Variants in MYH7 observed in about 807,000 individuals in gnomAD.
MYH7 encodes myosin-7.
MYH7 carries 129 observed loss-of-function variants against 225.4 expected under a neutral mutation model. That is an observed-to-expected ratio of 0.57 (90% CI 0.50 to 0.66). The LOEUF (loss-of-function observed/expected upper bound fraction) is 0.66, where lower values mean the gene tolerates loss of function less well. Among genes scored for constraint, MYH7 ranks in the 30% least tolerant of loss-of-function variants. The probability of loss-of-function intolerance (pLI) is 0.00; values close to 1 mark genes in which losing one functional copy is unlikely to be tolerated. For synonymous variants in MYH7, 971 were observed against 1,007.6 expected, an observed-to-expected ratio of 0.96 and a Z score of 0.69; for missense variants, 1,649 against 2,517.0, an observed-to-expected ratio of 0.66 and a Z score of 7.38.
At chr14:23,427,920 TG>T (rs772166061) in intron 15 of MYH7, 26 bp from the exon 16 acceptor site, 1 of 1,613,074 alleles carries the variant, frequency 6.2e-7, no homozygotes, top group South Asian at 1.1e-5. Context: ...AGAGCATCAC[TG>T]AGTGTCCTTC....
In MYH7 at chr14:23,416,327, G is replaced by A. The variant is rs756657320; in HGVS notation, c.4645-15C>T. 3.7e-6 allele frequency: 6 copies of A among 1,611,090 alleles called. No homozygotes were observed. In the Admixed American group the frequency reaches 6.7e-5, roughly 18 times the overall value. On this transcript the variant is annotated splice_polypyrimidine_tract_variant and intron_variant, in intron 33 of 39. Coordinates refer to ENST00000355349, the MANE Select transcript of MYH7 (RefSeq NM_000257.4). Reference sequence around the variant, plus strand: ...TCCAGGGAGGCCTGGGAAGGGGTTGGGGGAGGGGATGCAGGCAGACAGTCA... The same window carrying A: ...TCCAGGGAGGCCTGGGAAGGGGTTGAGGGAGGGGATGCAGGCAGACAGTCA...
Position 23,429,285 on chromosome 14 carries a change from G to A in MYH7, c.1201C>T (p.His401Tyr). 6.2e-7 allele frequency: 1 copy of A among 1,614,206 alleles called. No individual in the cohort carries two copies. The highest frequency in any genetic ancestry group is 8.5e-7 in the Non-Finnish European group (1 of 1,180,044). ...TCATTGCCCACTTTCACCCGAGGGT[G>A]GCACAGCCCCTTGAGCAGGTCGGCT... ...NSADLLKGLC[H>Y]PRVKVGNEYV... The change falls in exon 13 of 40, where the codon CAC (histidine) becomes TAC (tyrosine). Residue 401 changes from histidine (H) to tyrosine (Y), a missense_variant. His to Tyr is a moderately conservative substitution (Grantham distance 83). Coordinates refer to ENST00000355349, the MANE Select transcript of MYH7 (RefSeq NM_000257.4).
rs735712 is a variant in MYH7, at chr14:23,429,851, G to A, written c.1062C>T (p.Gly354=). ...EEKNSMYKLT[G]AIMHFGNMKF... is the part of the protein sequence containing the mutation. ...TCATGTTTCCAAAGTGCATGATGGCGCCTGTCAGCTTATACATGGAGTTTT... is the reference window on the plus strand; with the variant it reads ...TCATGTTTCCAAAGTGCATGATGGCACCTGTCAGCTTATACATGGAGTTTT... Residue 354 remains glycine (G), a synonymous_variant, in exon 12 of 40, where the codon GGC becomes GGT. Transcript: ENST00000355349. The A allele has an allele frequency of 0.073, 118,013 of 1,613,886 alleles. 4,547 individuals carry two copies. Among genetic ancestry groups the A allele is most frequent in the South Asian group, 0.099 (8,976 of 91,068 alleles).
In MYH7 at chr14:23,424,820, C is replaced by A. The variant is rs749627954; in HGVS notation, c.2628G>T (p.Lys876Asn). Residue 876 changes from lysine (K) to asparagine (N), a missense_variant, in exon 22 of 40, where the codon AAG (lysine) becomes AAT (asparagine). By Grantham distance (94) the Lys-to-Asn change is moderately conservative. This residue lies in a region of MYH7 where 282 missense variants were observed against 315.3 expected (regional missense o/e 0.89). Coordinates refer to ENST00000355349, the MANE Select transcript of MYH7 (RefSeq NM_000257.4). ...SEARRKELEE[K>N]MVSLLQEKND... is the part of the protein sequence containing the mutation. The stretch of plus-strand genomic sequence containing the variant: ...TCTTCTCCTGCAGCAGGGACACCAT[C>A]TTCTCCTCCAGCTCCTTGCGGCGAG... 6.2e-7 allele frequency: 1 copy of A among 1,614,236 alleles called. No homozygotes were observed. The highest frequency in any genetic ancestry group is 8.5e-7 in the Non-Finnish European group (1 of 1,180,046).
chr14:23,428,445 T>C (rs1181254836), intron 15 of MYH7, 55 bp downstream of exon 15: 2 of 1,611,814 alleles, frequency 1.2e-6, no homozygotes, highest in African/African-American at 2.7e-5. Flanking sequence ...ATTTTGTCTA[T>C]GGTGTTCTTG....
intron 37 of MYH7, 49 bp downstream of exon 37, chr14:23,414,946 A>G (rs1334655390): frequency 5.0e-6 from 8 of 1,601,394 alleles, no homozygotes; most frequent in African/African-American, 1.3e-5. Context: ...GCTGGTTGTC[A>G]CTGTGGCTAT....
intron 13 of MYH7, 40 bp downstream of exon 13, chr14:23,429,189 C>T (rs1892820307): frequency 1.2e-6 from 2 of 1,613,676 alleles, no homozygotes; most frequent in Non-Finnish European, 1.7e-6. Context: ...TGCCAGTCTC[C>T]CTACCCTGCC....
In MYH7 at chr14:23,425,207, C is replaced by CT; in HGVS notation, c.2423+74dup. ...TCTCTGTGTTTGAAGATCTGCTGAGCTTTTTTTCCTGACACTGCCCCTGAA... is the reference window on the plus strand; with the variant it reads ...TCTCTGTGTTTGAAGATCTGCTGAGCTTTTTTTTCCTGACACTGCCCCTGAA... On this transcript the variant is annotated intron_variant, in intron 21 of 39. Coordinates refer to ENST00000355349, the MANE Select transcript of MYH7 (RefSeq NM_000257.4). This position sits in a 1 kb window ranked among gnomAD's most constrained non-coding sequence, Gnocchi z 4.6. 6.2e-7 allele frequency: 1 copy of CT among 1,612,648 alleles called. No homozygotes were observed. Among genetic ancestry groups the CT allele is most frequent in the Non-Finnish European group, 8.5e-7 (1 of 1,179,096 alleles).
rs1410564846 is a variant in MYH7 at position 23,433,689 on chromosome 14, T to C, written c.44A>G (p.Tyr15Cys). 3 of 1,614,096 alleles carry C rather than the reference T, an allele frequency of 1.9e-6. No homozygotes were observed. The highest frequency in any genetic ancestry group is 2.5e-6 in the Non-Finnish European group (3 of 1,180,036). Residue 15 changes from tyrosine to cysteine, a missense_variant, in exon 3 of 40, where the codon TAC becomes TGC. Physicochemically the swap from Tyr to Cys is radical, Grantham distance 194. Around this residue, in one of 12 missense-constraint regions of MYH7, gnomAD observed 91 missense variants for 96.5 expected, o/e 0.94. Coordinates refer to ENST00000355349, the MANE Select transcript of MYH7 (RefSeq NM_000257.4). The surrounding 1 kb of genome is among the most constrained non-coding windows in gnomAD (Gnocchi z 4.1). ...CCGCTCCTTCTCTGACTTGCGCAGG[T>C]AGGGGGCGGCAGCCCCAAAGACTGC... The part of the protein sequence containing the change: ...EMAVFGAAAP[Y>C]LRKSEKERLE...
At chr14:23,432,884 A>G in intron 4 of MYH7, 89 bp from the exon 5 acceptor site, 1 of 1,572,002 alleles carries the variant, frequency 6.4e-7, no homozygotes, top group Non-Finnish European at 8.7e-7. Context: ...CAGGAGAGAA[A>G]GAAGAGAAAG....
intron 1 of MYH7, among the ~76,000 whole-genome samples, chr14:23,434,510 C>A (rs547768350): frequency 6.6e-6 from 1 of 152,258 alleles, no homozygotes; most frequent in African/African-American, 2.4e-5. Flanking sequence ...GGTCCCACCC[C>A]TGCCTGTACC....
intron 13 of MYH7, 53 bp from the exon 14 acceptor site, chr14:23,429,157 C>T: frequency 6.2e-7 from 1 of 1,614,136 alleles, no homozygotes; most frequent in African/African-American, 1.3e-5. Context: ...GAAGAGTGAA[C>T]TTGAAAACTC....
intron 14 of MYH7, 57 bp downstream of exon 14, chr14:23,428,898 G>A (rs1892805626): frequency 6.2e-7 from 1 of 1,613,284 alleles, no homozygotes. Context: ...GCAAATAGCT[G>A]TTGAATGTGG....
Position 23,433,247 on chromosome 14 carries a change from A to C in MYH7, c.202-20T>G. The C allele has an allele frequency of 6.2e-7, 1 of 1,614,112 alleles. No individual in the cohort carries two copies. The highest frequency in any genetic ancestry group is 8.5e-7 in the Non-Finnish European group (1 of 1,180,008). On this transcript the variant is annotated intron_variant, in intron 3 of 39. Coordinates refer to ENST00000355349, the MANE Select transcript of MYH7 (RefSeq NM_000257.4). The surrounding 1 kb of genome is among the most constrained non-coding windows in gnomAD (Gnocchi z 4.1). ...CACTGTCTGCAAGAGCCCCCACCCA[A>C]GCCCTCCTGTCAGCCTGGGCTTTCC...
At chr14:23,426,955 T>C in intron 17 of MYH7, 91 bp from the exon 18 acceptor site, 1 of 1,040,220 alleles carries the variant, frequency 9.6e-7, no homozygotes, top group Non-Finnish European at 1.5e-6. Context: ...AAAAGAGAGA[T>C]GGAGAGAATT....
At chr14:23,421,283 C>T (rs1184776885) in intron 25 of MYH7, among the ~76,000 whole-genome samples, 2 of 152,182 alleles carry the variant, frequency 1.3e-5, no homozygotes, top group African/African-American at 2.4e-5. Flanking sequence ...CTCTACAGGA[C>T]ATTCCCATCT....
In MYH7 at chr14:23,427,829, G is replaced by C; in HGVS notation, c.1644C>G (p.Phe548Leu). The C allele has an allele frequency of 6.2e-7, 1 of 1,614,216 alleles. No homozygotes were observed. The highest frequency in any genetic ancestry group is 8.5e-7 in the Non-Finnish European group (1 of 1,180,042). The change falls in exon 16 of 40, where the codon TTC becomes TTG. Residue 548 changes from phenylalanine (F) to leucine (L), a missense_variant. Phe to Leu is a conservative substitution (Grantham distance 22). Coordinates refer to ENST00000355349, the MANE Select transcript of MYH7 (RefSeq NM_000257.4). ...GGTGGTTGTCAAACAGCTTGGCCTT[G>C]AAGGTCATGTCGGTGGCCTTGGGGA... Reference protein sequence around the residue: ...CMFPKATDMTFKAKLFDNHLG... With the variant: ...CMFPKATDMTLKAKLFDNHLG...
intron 29 of MYH7, among the ~76,000 whole-genome samples, chr14:23,418,907 T>C (rs1892346197): frequency 6.6e-6 from 1 of 152,220 alleles, no homozygotes; most frequent in African/African-American, 2.4e-5. Context: ...CCCCTAGCCG[T>C]GCCCGGGCAA....
Position 23,424,784 on chromosome 14 carries a change from C to T in MYH7, c.2664G>A (p.Gln888=), listed in dbSNP as rs372875657. Residue 888 remains glutamine, a synonymous_variant, in exon 22 of 40, where the codon CAG becomes CAA. Coordinates refer to ENST00000355349, the MANE Select transcript of MYH7 (RefSeq NM_000257.4). ...VSLLQEKNDL[Q]LQVQAEQDNL... ...GGAGCCTCACCGCCTGCACTTGGAG[C>T]TGCAGGTCATTCTTCTCCTGCAGCA... 2 of 1,614,070 alleles carry T rather than the reference C, an allele frequency of 1.2e-6. No homozygotes were observed. The highest frequency in any genetic ancestry group is 2.7e-5 in the African/African-American group (2 of 74,928).
Sources: allele counts gnomAD v4.1 joint callset (sites outside exome capture counted in the v4.1 genomes callset), GRCh38; gene constraint gnomAD v4.1.1; regional missense constraint gnomAD v4.1.1; non-coding constraint Gnocchi (gnomAD v3.1); transcripts MANE v1.5; gene names NCBI Gene and HGNC (gene_info 2026-07-23, HGNC 2026-07-21).